The following GRID2 variants were observed in gnomAD, a reference collection of about 807,000 sequenced individuals.
GRID2 encodes glutamate ionotropic receptor delta type subunit 2.
In GRID2, 33 loss-of-function variants were observed where a neutral mutation model predicts 114.8. The observed-to-expected ratio is 0.29, with a 90% confidence interval of 0.22 to 0.38. The LOEUF (loss-of-function observed/expected upper bound fraction) is 0.38. Among genes scored for constraint, GRID2 ranks in the 10% least tolerant of loss-of-function variants. The pLI is 1.00. For synonymous variants in GRID2, 505 were observed against 449.9 expected, an observed-to-expected ratio of 1.12 and a Z score of -1.55; for missense variants, 1,184 against 1,257.7, an observed-to-expected ratio of 0.94 and a Z score of 0.89.
chr4:92,925,639 G>A lies in GRID2; in HGVS notation c.245-159356G>A, dbSNP rs546289567. 3.9e-5 allele frequency among the ~76,000 whole-genome samples: 6 copies of A among 152,000 alleles called. No homozygotes were observed. In the East Asian group the frequency reaches 1.2e-3, roughly 29 times the overall value. ...GGTAAACTCTTTCAAAATAAATGTA[G>A]AAATTTTCTGTGGCTGGCTTCTAGG... On this transcript the variant is annotated intron_variant, in intron 2 of 15. Transcript: ENST00000282020.
At chr4:93,358,003 ATTC>A (rs1426408284) in intron 8 of GRID2, among the ~76,000 whole-genome samples, 1 of 151,772 alleles carries the variant, frequency 6.6e-6, no homozygotes, top group Non-Finnish European at 1.5e-5. Flanking sequence ...AAATATTATT[ATTC>A]TTTTTTATTT....
intron 2 of GRID2, among the ~76,000 whole-genome samples, chr4:93,039,167 AG>A (rs1431629585): frequency 6.6e-6 from 1 of 152,202 alleles, no homozygotes; most frequent in Non-Finnish European, 1.5e-5. Flanking sequence ...TGTCCTTTGC[AG>A]GAACATGGAT....
At chr4:92,339,090 AT>A (rs1245727614) in intron 1 of GRID2, among the ~76,000 whole-genome samples, 1 of 152,100 alleles carries the variant, frequency 6.6e-6, no homozygotes, top group Non-Finnish European at 1.5e-5. Flanking sequence ...ACCTGGAACA[AT>A]TGTTATATGA....
At chr4:93,750,219 A>G (rs893503255) in intron 14 of GRID2, among the ~76,000 whole-genome samples, 1 of 152,248 alleles carries the variant, frequency 6.6e-6, no homozygotes, top group African/African-American at 2.4e-5. Flanking sequence ...GTGTTGGAAC[A>G]AAGCACAAAA....
At chr4:93,633,838 A>C (rs1487611330) in intron 14 of GRID2, among the ~76,000 whole-genome samples, 3 of 152,072 alleles carry the variant, frequency 2.0e-5, no homozygotes, top group Non-Finnish European at 4.4e-5. Flanking sequence ...CATAATCCTA[A>C]TCCTTTAATA....
chr4:93,010,109 A>G (rs1027659184), intron 2 of GRID2, among the ~76,000 whole-genome samples: 3 of 152,080 alleles, frequency 2.0e-5, no homozygotes, highest in African/African-American at 7.2e-5. Context: ...CACTTTTGAT[A>G]TGCGTAGTAG....
At chr4:93,312,107 T>TCTTC (rs1756083122) in intron 8 of GRID2, among the ~76,000 whole-genome samples, 1 of 152,164 alleles carries the variant, frequency 6.6e-6, no homozygotes, top group Non-Finnish European at 1.5e-5. Context: ...CTCTGTGATT[T>TCTTC]CTTCCTTCCT....
intron 2 of GRID2, among the ~76,000 whole-genome samples, chr4:93,079,118 C>T (rs1034186066): frequency 6.6e-6 from 1 of 151,244 alleles, no homozygotes; most frequent in South Asian, 2.1e-4. Context: ...TATGTGAAAC[C>T]ATTTTTTAAA....
chr4:92,713,046 G>T (rs1560547470), intron 2 of GRID2, among the ~76,000 whole-genome samples: 2 of 150,530 alleles, frequency 1.3e-5, no homozygotes, highest in Non-Finnish European at 3.0e-5. Context: ...TGCACAACGT[G>T]CAGATTAGTT....
intron 2 of GRID2, among the ~76,000 whole-genome samples, chr4:92,634,407 A>G (rs906610404): frequency 2.0e-5 from 3 of 152,112 alleles, no homozygotes; most frequent in African/African-American, 7.2e-5. Flanking sequence ...AAAGTACTGC[A>G]TTTGCTTAAC....
At chr4:92,967,703 A>G (rs17020038) in intron 2 of GRID2, among the ~76,000 whole-genome samples, 2,262 of 152,018 alleles carry the variant, frequency 0.015, 20 homozygotes, top group East Asian at 0.053. Context: ...CTGTCTTTCA[A>G]TTTCTGGAGT....
In GRID2 at chr4:92,586,281, A is replaced by G. The variant is rs182499032; in HGVS notation, c.89-3850A>G. On this transcript the variant is annotated intron_variant, in intron 1 of 15. Transcript: ENST00000282020. ...CTTATAAATATTTTATTTAAAAGGC[A>G]TATTTGTGAATGTATTTTTGGGTGA... 1.1e-3 allele frequency among the ~76,000 whole-genome samples: 162 copies of G among 151,922 alleles called. 2 individuals are homozygous for G. Among genetic ancestry groups the G allele is most frequent in the Admixed American group, 5.4e-3 (82 of 15,226 alleles).
At chr4:92,749,167 C>G (rs528777763) in intron 2 of GRID2, among the ~76,000 whole-genome samples, 1 of 151,506 alleles carries the variant, frequency 6.6e-6, no homozygotes, top group Non-Finnish European at 1.5e-5. Flanking sequence ...TCAGGCCTAG[C>G]TGATTTTTGT....
At chr4:92,989,113 TA>T (rs1422573025) in intron 2 of GRID2, among the ~76,000 whole-genome samples, 8 of 151,606 alleles carry the variant, frequency 5.3e-5, no homozygotes, top group African/African-American at 1.9e-4. Context: ...CCATCTCTAC[TA>T]AAAATACAAA....
intron 3 of GRID2, among the ~76,000 whole-genome samples, chr4:93,094,443 G>A (rs759339794): frequency 3.3e-5 from 5 of 151,872 alleles, no homozygotes. Flanking sequence ...ATTTTGTTTT[G>A]TTTTGTTTAC....
intron 2 of GRID2, among the ~76,000 whole-genome samples, chr4:92,654,631 T>C (rs1732135549): frequency 6.6e-6 from 1 of 152,094 alleles, no homozygotes; most frequent in Non-Finnish European, 1.5e-5. Flanking sequence ...TATTTCATTG[T>C]GGTTTTGATT....
At chr4:93,397,397 C>G (rs1437284516) in intron 9 of GRID2, among the ~76,000 whole-genome samples, 1 of 142,492 alleles carries the variant, frequency 7.0e-6, no homozygotes. Context: ...TATTAATAGT[C>G]TTTCCTCCAG....
At chr4:92,883,631 C>T (rs961717727) in intron 2 of GRID2, among the ~76,000 whole-genome samples, 2 of 152,216 alleles carry the variant, frequency 1.3e-5, no homozygotes, top group Non-Finnish European at 2.9e-5. Context: ...GTAGAATGGA[C>T]GTTGTGTTAG....
intron 2 of GRID2, among the ~76,000 whole-genome samples, chr4:92,988,799 T>A (rs1331744192): frequency 6.6e-6 from 1 of 152,092 alleles, no homozygotes; most frequent in Non-Finnish European, 1.5e-5. Context: ...ATAAACAAAC[T>A]GACAAAGGAA....
Sources: allele counts gnomAD v4.1 joint callset (sites outside exome capture counted in the v4.1 genomes callset), GRCh38; gene constraint gnomAD v4.1.1; transcripts MANE v1.5; gene names NCBI Gene and HGNC (gene_info 2026-07-23, HGNC 2026-07-21).